EWSR1: variants seen among roughly 807,000 people sequenced by gnomAD.
The protein encoded by EWSR1 is RNA-binding protein EWS.
EWSR1 carries 14 observed loss-of-function variants against 92.1 expected under a neutral mutation model. The ratio of observed to expected loss-of-function variants is 0.15; its 90% CI spans 0.10 to 0.24. The LOEUF is 0.24. Ranked by LOEUF, EWSR1 falls within the 10% of genes least tolerant of loss-of-function variation. The pLI is 1.00. For synonymous variants in EWSR1, 303 were observed against 292.9 expected (o/e 1.03, Z -0.35); for missense variants, 637 against 870.9 (o/e 0.73, Z 3.38).
intron 1 of EWSR1, 43 bp from the exon 2 acceptor site, chr22:29,272,173 T>G (rs763045571): frequency 6.3e-7 from 1 of 1,585,468 alleles, no homozygotes; most frequent in Non-Finnish European, 8.7e-7. Flanking sequence ...TTCTCCTTGT[T>G]TCTGCTAACT....
intron 9 of EWSR1, chr22:29,291,899 A>C (rs905382874): frequency 3.5e-6 from 2 of 579,194 alleles, no homozygotes; most frequent in Non-Finnish European, 6.1e-6. Context: ...GCACATAAGC[A>C]TTGAGAGTGT....
chr22:29,286,406 C>T (rs2060036868), intron 6 of EWSR1, among the ~76,000 whole-genome samples: 1 of 151,880 alleles, frequency 6.6e-6, no homozygotes, highest in African/African-American at 2.4e-5. Context: ...TTCCCCCTCC[C>T]AGCTGGGCAC....
At chr22:29,283,860 G>A (rs1227067073) in intron 6 of EWSR1, among the ~76,000 whole-genome samples, 1 of 150,120 alleles carries the variant, frequency 6.7e-6, no homozygotes, top group East Asian at 2.0e-4. Context: ...TTGAGATGGA[G>A]TTTTGCTCTT....
chr22:29,297,445 A>G (rs1019463783), intron 12 of EWSR1, among the ~76,000 whole-genome samples: 1 of 152,098 alleles, frequency 6.6e-6, no homozygotes. Context: ...TAATCCTACC[A>G]CTTCAGGAGG....
At chr22:29,269,937 T>G (rs1042115462) in intron 1 of EWSR1, among the ~76,000 whole-genome samples, 4 of 152,236 alleles carry the variant, frequency 2.6e-5, no homozygotes, top group African/African-American at 9.7e-5. Flanking sequence ...ACAGTTGTGG[T>G]TTCTGTTGAC....
intron 12 of EWSR1, among the ~76,000 whole-genome samples, chr22:29,296,672 GATAA>G (rs1020850340): frequency 4.6e-5 from 7 of 152,150 alleles, no homozygotes; most frequent in Admixed American, 6.5e-5. Flanking sequence ...TTTGCATATA[GATAA>G]ATATATATAT....
chr22:29,288,799 C>T lies in EWSR1; in HGVS notation c.974+13C>T, dbSNP rs767377723. 7 of 1,570,008 alleles carry T rather than the reference C, an allele frequency of 4.5e-6. No homozygotes were observed. Among genetic ancestry groups the T allele is most frequent in the Non-Finnish European group, 6.0e-6 (7 of 1,157,184 alleles). The stretch of plus-strand genomic sequence containing the variant: ...GCGGTGGAATGGGGTAAGAGCAAAC[C>T]TTTTCTCCTTTTACCTAATTTTGTT... On this transcript the variant is annotated intron_variant, in intron 8 of 16. Coordinates refer to ENST00000397938, the MANE Select transcript of EWSR1 (RefSeq NM_005243.4).
At chr22:29,284,338 C>G (rs771559154) in intron 6 of EWSR1, among the ~76,000 whole-genome samples, 3 of 151,276 alleles carry the variant, frequency 2.0e-5, no homozygotes, top group Non-Finnish European at 4.4e-5. Context: ...TGAATTGTGC[C>G]CTGAAAGTTT....
At chr22:29,277,382 A>T (rs2059203224) in intron 4 of EWSR1, 1 of 223,388 alleles carries the variant, frequency 4.5e-6, no homozygotes, top group African/African-American at 2.2e-5. Context: ...GTTTAATTTT[A>T]AATAATTTAC....
chr22:29,292,598 G>A lies in EWSR1; in HGVS notation c.1156G>A (p.Val386Ile). The A allele has an allele frequency of 1.2e-6, 2 of 1,607,024 alleles. No homozygotes were observed. Among genetic ancestry groups the A allele is most frequent in the East Asian group, 2.2e-5 (1 of 44,822 alleles). Residue 386 changes from valine (V) to isoleucine (I), a missense_variant, in exon 11 of 17, where the codon GTT (valine) becomes ATT (isoleucine). Coordinates refer to ENST00000397938, the MANE Select transcript of EWSR1 (RefSeq NM_005243.4). ...GGCAGACTTCTTTAAGCAGTGTGGG[G>A]TTGTTAAGGTCAGTAAAAGCATAAC... The part of the protein sequence containing the change: ...DLADFFKQCG[V>I]VKMNKRTGQP...
At chr22:29,274,756 T>C (rs765063746) in intron 4 of EWSR1, among the ~76,000 whole-genome samples, 1 of 152,212 alleles carries the variant, frequency 6.6e-6, no homozygotes, top group Non-Finnish European at 1.5e-5. Flanking sequence ...TATTCCAAGA[T>C]ACTAAAAAAT....
In EWSR1 at chr22:29,270,815, A is replaced by C. The variant is rs1041115509; in HGVS notation, c.14-1401A>C. Among the ~76,000 whole-genome samples, 20 of 151,984 alleles carry C rather than the reference A, an allele frequency of 1.3e-4. 1 individual carries two copies. The highest frequency in any genetic ancestry group is 6.8e-3 in the Middle Eastern group (2 of 294). On this transcript the variant is annotated intron_variant, in intron 1 of 16. Coordinates refer to ENST00000397938, the MANE Select transcript of EWSR1 (RefSeq NM_005243.4). ...CACATGGAAAAAATGATCTGCATTT[A>C]GTTTTAATGTCAGAGAGAGTATGAC...
At chr22:29,282,246 T>A (rs528905120) in intron 5 of EWSR1, 144 bp from the exon 6 acceptor site, 5 of 652,892 alleles carry the variant, frequency 7.7e-6, no homozygotes, top group Non-Finnish European at 1.2e-5. Context: ...TAGGATTGTA[T>A]TTATTATTGT....
rs761190094 is a variant in EWSR1, at chr22:29,273,876, C to T, written c.226+12C>T. 6 of 1,612,626 alleles carry T rather than the reference C, an allele frequency of 3.7e-6. No individual in the cohort carries two copies. The South Asian group carries it at 5.5e-5, about 15-fold the overall frequency. ...ACAGCCTCCCACTGGTAAGGCCTGCCTTGGAGAGATTTTTGGGTCGTTCTG... is the reference window on the plus strand; with the variant it reads ...ACAGCCTCCCACTGGTAAGGCCTGCTTTGGAGAGATTTTTGGGTCGTTCTG... On this transcript the variant is annotated intron_variant, in intron 4 of 16. Transcript: ENST00000397938.
rs747223579 is a variant in EWSR1, at chr22:29,299,608, G to A, written c.1688G>A (p.Arg563His). The change falls in exon 16 of 17, where the codon CGT (arginine) becomes CAT (histidine). Residue 563 changes from arginine (R) to histidine (H), a missense_variant. Arg to His is a conservative substitution (Grantham distance 29, BLOSUM62 0). Transcript: ENST00000397938. ...PPPFPPPGGD[R>H]GRGGPGGMRG... ...GCTATTCTCACCTTAGGTGGTGATCGTGGCAGAGGTGGCCCTGGTGGCATG... is the reference window on the plus strand; with the variant it reads ...GCTATTCTCACCTTAGGTGGTGATCATGGCAGAGGTGGCCCTGGTGGCATG... The A allele has an allele frequency of 6.3e-6, 10 of 1,599,120 alleles. No homozygotes were observed. The highest frequency in any genetic ancestry group is 2.2e-5 in the East Asian group (1 of 44,638).
At chr22:29,289,785 TGAAA>T in intron 8 of EWSR1, 1 of 231,926 alleles carries the variant, frequency 4.3e-6, no homozygotes, top group Non-Finnish European at 8.5e-6. Context: ...TCTTCACTAC[TGAAA>T]GACAGTACTA....
At position 29,299,324 on chromosome 22, in the gene EWSR1, G is replaced by A. The variant is rs757284121; in HGVS notation, c.1671G>A (p.Pro557=). 1.1e-5 allele frequency: 17 copies of A among 1,613,310 alleles called. No individual in the cohort carries two copies. The highest frequency in any genetic ancestry group is 8.3e-5 in the Admixed American group (5 of 59,964). ...AAGGCTTCCTCCCGCCACCCTTTCCGCCCCCGGGTAGGTGCAGGTTTCATG... is the reference window on the plus strand; with the variant it reads ...AAGGCTTCCTCCCGCCACCCTTTCCACCCCCGGGTAGGTGCAGGTTTCATG... ...KPEGFLPPPF[P]PPGGDRGRGG... is the part of the protein sequence containing the mutation. The change falls in exon 15 of 17, where the codon CCG becomes CCA. Residue 557 remains proline (P), a synonymous_variant. Coordinates refer to ENST00000397938, the MANE Select transcript of EWSR1 (RefSeq NM_005243.4).
intron 1 of EWSR1, chr22:29,269,244 G>A (rs1291207759): frequency 6.6e-6 from 1 of 152,226 alleles, no homozygotes; most frequent in Non-Finnish European, 1.5e-5. Context: ...TTTCAGCAGT[G>A]GCCTCGCACG....
At chr22:29,297,486 G>A (rs771268037) in intron 12 of EWSR1, among the ~76,000 whole-genome samples, 1 of 152,116 alleles carries the variant, frequency 6.6e-6, no homozygotes, top group Non-Finnish European at 1.5e-5. Flanking sequence ...GAACCAAGGA[G>A]TTCACTAGCA....
Sources: allele counts gnomAD v4.1 joint callset (sites outside exome capture counted in the v4.1 genomes callset), GRCh38; gene constraint gnomAD v4.1.1; transcripts MANE v1.5; gene names NCBI Gene and HGNC (gene_info 2026-07-23, HGNC 2026-07-21).